EFR3B: variants seen among roughly 807,000 people sequenced by gnomAD.
EFR3B encodes protein EFR3 homolog B.
A neutral mutation model predicts 104.7 loss-of-function variants in EFR3B; 64 were observed. The observed-to-expected ratio is 0.61, with a 90% CI of 0.50 to 0.75. The LOEUF is 0.75. Among genes scored for constraint, EFR3B ranks in the 30% least tolerant of loss-of-function variants. EFR3B has a pLI of 0.00. For missense variants in EFR3B, 750 were observed against 1,078.5 expected (o/e 0.70, Z 4.27); for synonymous variants, 385 against 417.9 (o/e 0.92, Z 0.96).
intron 4 of EFR3B, 135 bp downstream of exon 4, chr2:25,103,922 T>C (rs1669494788): frequency 2.0e-6 from 2 of 996,946 alleles, no homozygotes; most frequent in Non-Finnish European, 2.8e-6. Context: ...ACACACTGCT[T>C]GTTTTAGGGT....
At chr2:25,058,766 C>G (rs1328364063) in intron 1 of EFR3B, among the ~76,000 whole-genome samples, 2 of 133,762 alleles carry the variant, frequency 1.5e-5, no homozygotes, top group African/African-American at 3.0e-5. Context: ...CTCCCCGCGC[C>G]CCCCCCCCCA....
intron 4 of EFR3B, among the ~76,000 whole-genome samples, chr2:25,113,492 C>A (rs1019910200): frequency 2.0e-5 from 3 of 151,938 alleles, no homozygotes; most frequent in Non-Finnish European, 4.4e-5. Context: ...CACGGTGAAA[C>A]CCCATCTCTA....
intron 6 of EFR3B, 124 bp from the exon 7 acceptor site, chr2:25,129,851 C>A: frequency 7.6e-7 from 1 of 1,320,830 alleles, no homozygotes; most frequent in Non-Finnish European, 1.0e-6. Context: ...TCCCCTATTG[C>A]CTAGTGCAAC....
At position 25,145,055 on chromosome 2, in the gene EFR3B, A is replaced by C. The variant is rs1670776890; in HGVS notation, c.2142+4A>C. 6.4e-7 allele frequency: 1 copy of C among 1,551,572 alleles called. No individual in the cohort carries two copies. Among genetic ancestry groups the C allele is most frequent in the African/African-American group, 1.4e-5 (1 of 73,048 alleles). On this transcript the variant is annotated splice_donor_region_variant and intron_variant, in intron 19 of 22. Coordinates refer to ENST00000403714, the MANE Select transcript of EFR3B (RefSeq NM_014971.2). The stretch of plus-strand genomic sequence containing the variant: ...GAACAGTCCGGAGAAGGAGGAGGTG[A>C]GTGTCCGTGCCACCGTCCTGGGGCA...
chr2:25,071,626 C>T (rs938325707), intron 1 of EFR3B, among the ~76,000 whole-genome samples: 7 of 152,130 alleles, frequency 4.6e-5, no homozygotes, highest in African/African-American at 1.7e-4. Flanking sequence ...AGTTTTGGTC[C>T]TACTTTGGAT....
intron 5 of EFR3B, among the ~76,000 whole-genome samples, 170 bp downstream of exon 5, chr2:25,121,964 G>GTT (rs143584289): frequency 8.5e-5 from 12 of 141,864 alleles, no homozygotes; most frequent in East Asian, 2.0e-4. Context: ...TGTGGTTTCT[G>GTT]TTTTTTTTTT....
intron 20 of EFR3B, among the ~76,000 whole-genome samples, chr2:25,151,493 A>G (rs60925903): frequency 0.29 from 44,590 of 151,924 alleles, 6,594 homozygotes; most frequent in Non-Finnish European, 0.32. Flanking sequence ...TGACCTCAAG[A>G]TGTCCTCCTG....
At chr2:25,059,577 G>A (rs768671890) in intron 1 of EFR3B, among the ~76,000 whole-genome samples, 7 of 120,428 alleles carry the variant, frequency 5.8e-5, no homozygotes, top group Admixed American at 2.5e-4. Flanking sequence ...GACTGCGGGG[G>A]GGGGGGGGGT....
chr2:25,108,335 A>G (rs985041611), intron 4 of EFR3B, among the ~76,000 whole-genome samples: 1 of 152,228 alleles, frequency 6.6e-6, no homozygotes, highest in Non-Finnish European at 1.5e-5. Flanking sequence ...TCTTGAGGAC[A>G]GTGTCAATCA....
intron 1 of EFR3B, among the ~76,000 whole-genome samples, chr2:25,089,211 A>G (rs3856391): frequency 2.2e-4 from 33 of 152,204 alleles, no homozygotes; most frequent in African/African-American, 6.5e-4. Context: ...GTCTCAGGGA[A>G]CCCTCTCCAG....
At chr2:25,133,484 C>G (rs769089267) in intron 12 of EFR3B, 50 bp downstream of exon 12, 173 of 1,540,926 alleles carry the variant, frequency 1.1e-4, no homozygotes, top group Non-Finnish European at 1.5e-4. Flanking sequence ...GGAGACAGCT[C>G]CTTCCAAGGG....
intron 1 of EFR3B, among the ~76,000 whole-genome samples, chr2:25,048,273 C>A (rs1430821063): frequency 6.6e-6 from 1 of 152,198 alleles, no homozygotes; most frequent in African/African-American, 2.4e-5. Context: ...CTCAGCCTCC[C>A]AAAGTGCTGG....
intron 1 of EFR3B, among the ~76,000 whole-genome samples, chr2:25,077,241 G>A: frequency 6.6e-6 from 1 of 152,100 alleles, no homozygotes; most frequent in Non-Finnish European, 1.5e-5. Flanking sequence ...AATAAATCAG[G>A]ATCCAGTCAA....
chr2:25,104,968 G>A (rs532839029), intron 4 of EFR3B, among the ~76,000 whole-genome samples: 1 of 152,130 alleles, frequency 6.6e-6, no homozygotes, highest in Non-Finnish European at 1.5e-5. Flanking sequence ...CCCACGCCCT[G>A]GTTGTCTTTA....
At position 25,113,253 on chromosome 2, in the gene EFR3B, A is replaced by C. The variant is rs114009772; in HGVS notation, c.364-8420A>C. 9.0e-3 allele frequency among the ~76,000 whole-genome samples: 1,366 copies of C among 152,238 alleles called. 23 individuals carry two copies. Among genetic ancestry groups the C allele is most frequent in the African/African-American group, 0.03 (1,254 of 41,540 alleles). On this transcript the variant is annotated intron_variant, in intron 4 of 22. Transcript: ENST00000403714. ...CAAAAAAACAAAACCAAATAACCAAACAAACAAACAAAAAACCATGATCTT... is the reference window on the plus strand; with the variant it reads ...CAAAAAAACAAAACCAAATAACCAACCAAACAAACAAAAAACCATGATCTT...
At chr2:25,133,460 G>A (rs912485396) in intron 12 of EFR3B, 26 bp downstream of exon 12, 27 of 1,552,052 alleles carry the variant, frequency 1.7e-5, no homozygotes, top group Non-Finnish European at 2.3e-5. Flanking sequence ...CCCCATTCCT[G>A]CTCTTCCTCT....
chr2:25,042,687 T>C lies in EFR3B; in HGVS notation c.7+368T>C. On this transcript the variant is annotated intron_variant, in intron 1 of 22. Transcript: ENST00000403714. The surrounding 1 kb of genome is among the most constrained non-coding windows in gnomAD (Gnocchi z 5.4). ...AAGCGGTTTGTGCCTGGGAGTTTTC[T>C]GTGGGAAGCCGGTCCAGGGCTGAGG... 2.0e-6 allele frequency: 2 copies of C among 1,015,110 alleles called. No homozygotes were observed. The highest frequency in any genetic ancestry group is 2.4e-6 in the Non-Finnish European group (2 of 849,502). The allele number at this position is 1,015,110 out of a possible 1,614,324, so 62.9% of individuals were successfully genotyped here. A position where few individuals can be genotyped will look rare whatever the true frequency, so the allele number is the denominator to read the frequency against.
intron 1 of EFR3B, among the ~76,000 whole-genome samples, chr2:25,055,423 A>G (rs1286933356): frequency 6.6e-6 from 1 of 152,158 alleles, no homozygotes; most frequent in Admixed American, 6.6e-5. Flanking sequence ...CTTTATCCTG[A>G]CCGAGAGGTT....
At chr2:25,099,959 T>C (rs1406651914) in intron 3 of EFR3B, among the ~76,000 whole-genome samples, 2 of 151,878 alleles carry the variant, frequency 1.3e-5, no homozygotes, top group African/African-American at 4.8e-5. Flanking sequence ...CCCGAGCAAT[T>C]TGGGAGGCCG....
Sources: allele counts gnomAD v4.1 joint callset (sites outside exome capture counted in the v4.1 genomes callset), GRCh38; gene constraint gnomAD v4.1.1; non-coding constraint Gnocchi (gnomAD v3.1); transcripts MANE v1.5; gene names NCBI Gene and HGNC (gene_info 2026-07-23, HGNC 2026-07-21).